The following DAB1 variants were observed in gnomAD, a reference collection of about 807,000 sequenced individuals.
DAB1 encodes disabled homolog 1.
A neutral mutation model predicts 64.6 loss-of-function variants in DAB1; 15 were observed. The ratio of observed to expected loss-of-function variants is 0.23; its 90% confidence interval spans 0.16 to 0.36. The LOEUF is 0.36. Among genes scored for constraint, DAB1 ranks in the 10% least tolerant of loss-of-function variants. The pLI, the probability that DAB1 is intolerant of heterozygous loss-of-function variation, is 1.00. For missense variants in DAB1, 596 were observed against 706.7 expected (o/e 0.84, Z 1.78); for synonymous variants, 235 against 251.9 (o/e 0.93, Z 0.64).
At chr1:58,379,634 C>T (rs1156874504) in intron 3 of DAB1, among the ~76,000 whole-genome samples, 1 of 152,230 alleles carries the variant, frequency 6.6e-6, no homozygotes, top group African/African-American at 2.4e-5. Flanking sequence ...CCTATTGGTG[C>T]AACCATCCCA....
intron 2 of DAB1, among the ~76,000 whole-genome samples, chr1:57,177,419 G>C (rs1186054392): frequency 6.6e-6 from 1 of 151,994 alleles, no homozygotes; most frequent in East Asian, 1.9e-4. Context: ...GCTCCAACCT[G>C]AGAAACTAGG....
intron 2 of DAB1, among the ~76,000 whole-genome samples, chr1:57,209,205 A>G (rs952768120): frequency 2.0e-5 from 3 of 152,234 alleles, no homozygotes; most frequent in African/African-American, 7.2e-5. Context: ...GTGATTCTTC[A>G]GGGAAGTTGC....
At chr1:58,363,883 G>C (rs549050312) in intron 3 of DAB1, among the ~76,000 whole-genome samples, 1 of 152,178 alleles carries the variant, frequency 6.6e-6, no homozygotes, top group African/African-American at 2.4e-5. Context: ...TTCTAGCCCC[G>C]GAAAGACCCT....
At chr1:58,363,702 T>A (rs1644189017) in intron 3 of DAB1, among the ~76,000 whole-genome samples, 1 of 152,362 alleles carries the variant, frequency 6.6e-6, no homozygotes, top group South Asian at 2.1e-4. Context: ...GAAAGTTTCA[T>A]CTTCCAGGGG....
intron 1 of DAB1, among the ~76,000 whole-genome samples, chr1:57,315,603 T>C (rs1000331245): frequency 4.6e-5 from 7 of 152,222 alleles, no homozygotes; most frequent in Admixed American, 4.6e-4. Flanking sequence ...CCCAGGTTCA[T>C]GCCATTCTCC....
At chr1:58,544,928 A>G (rs1304458194) in intron 1 of DAB1, among the ~76,000 whole-genome samples, 1 of 152,078 alleles carries the variant, frequency 6.6e-6, no homozygotes, top group East Asian at 1.9e-4. Context: ...TTCTGTAGAC[A>G]CGGTGTGTCA....
At chr1:57,861,561 G>A (rs1364416442) in intron 1 of DAB1, among the ~76,000 whole-genome samples, 1 of 152,004 alleles carries the variant, frequency 6.6e-6, no homozygotes, top group Non-Finnish European at 1.5e-5. Context: ...TTGCCAACCT[G>A]CATTCAAGGC....
chr1:57,090,941 A>G (rs1206628675), intron 4 of DAB1, among the ~76,000 whole-genome samples: 2 of 152,150 alleles, frequency 1.3e-5, no homozygotes, highest in Admixed American at 6.5e-5. Flanking sequence ...CCAGAGATCT[A>G]CGTTGCACAC....
intron 4 of DAB1, among the ~76,000 whole-genome samples, chr1:57,081,324 C>T (rs1652535350): frequency 6.6e-6 from 1 of 152,176 alleles, no homozygotes; most frequent in Non-Finnish European, 1.5e-5. Flanking sequence ...TTAAGGTTCT[C>T]AATCTAATGA....
intron 1 of DAB1, among the ~76,000 whole-genome samples, chr1:58,527,817 A>G (rs1051157907): frequency 3.3e-5 from 5 of 152,208 alleles, no homozygotes; most frequent in Admixed American, 2.0e-4. Flanking sequence ...AAATTATCTT[A>G]ATTTCCTTTT....
At chr1:57,061,117 A>G (rs1650340475) in intron 9 of DAB1, among the ~76,000 whole-genome samples, 2 of 151,862 alleles carry the variant, frequency 1.3e-5, no homozygotes, top group African/African-American at 4.8e-5. Flanking sequence ...TTCCCTGAAC[A>G]GTACAACACA....
intron 7 of DAB1, among the ~76,000 whole-genome samples, chr1:57,595,634 C>G (rs987689156): frequency 3.9e-5 from 6 of 151,946 alleles, no homozygotes; most frequent in Non-Finnish European, 7.4e-5. Context: ...GTTCCCCCCC[C>G]ACCCCCCAAA....
At chr1:58,399,326 A>G (rs920023793) in intron 3 of DAB1, among the ~76,000 whole-genome samples, 5 of 152,216 alleles carry the variant, frequency 3.3e-5, no homozygotes, top group Admixed American at 3.3e-4. Flanking sequence ...TTCCTAACTC[A>G]GGTCCACTGA....
intron 4 of DAB1, among the ~76,000 whole-genome samples, chr1:57,102,540 G>A (rs1162782008): frequency 2.0e-5 from 3 of 152,182 alleles, no homozygotes; most frequent in Non-Finnish European, 4.4e-5. Flanking sequence ...CTCACAGATT[G>A]AGCGCCAGGA....
intron 4 of DAB1, among the ~76,000 whole-genome samples, chr1:57,119,290 C>T (rs758356161): frequency 1.3e-5 from 2 of 152,110 alleles, no homozygotes; most frequent in Non-Finnish European, 2.9e-5. Context: ...AATAATTATA[C>T]TTGAAAGTGA....
At chr1:57,187,391 T>TA (rs1333099076) in intron 2 of DAB1, among the ~76,000 whole-genome samples, 2 of 152,198 alleles carry the variant, frequency 1.3e-5, no homozygotes, top group African/African-American at 4.8e-5. Flanking sequence ...AGGTACAGTA[T>TA]AAAAAAGCAC....
chr1:57,792,845 C>A (rs1650669265), intron 6 of DAB1, among the ~76,000 whole-genome samples: 1 of 152,150 alleles, frequency 6.6e-6, no homozygotes, highest in Non-Finnish European at 1.5e-5. Context: ...GCATTGATTT[C>A]TTTGAAAATA....
chr1:57,407,529 G>A (rs113970835), intron 1 of DAB1, among the ~76,000 whole-genome samples: 2 of 152,196 alleles, frequency 1.3e-5, no homozygotes, highest in Admixed American at 1.3e-4. Flanking sequence ...TGTGTGGCAT[G>A]TCACTGTGTA....
downstream of DAB1, among the ~76,000 whole-genome samples, chr1:57,825,000 A>C (rs1274127975): frequency 6.6e-6 from 1 of 152,244 alleles, no homozygotes; most frequent in Non-Finnish European, 1.5e-5. Flanking sequence ...GGAAAGGCCT[A>C]GACTGAGTTT....
Sources: allele counts gnomAD v4.1 joint callset (sites outside exome capture counted in the v4.1 genomes callset), GRCh38; gene constraint gnomAD v4.1.1; transcripts MANE v1.5; gene names NCBI Gene and HGNC (gene_info 2026-07-23, HGNC 2026-07-21).